PXDNL: variants seen among roughly 807,000 people sequenced by gnomAD.
The protein encoded by PXDNL is peroxidasin like.
A neutral mutation model predicts 150.8 loss-of-function variants in PXDNL; 145 were observed. The ratio of observed to expected loss-of-function variants is 0.96; its 90% CI spans 0.84 to 1.10. PXDNL has a LOEUF of 1.10. Among genes scored for constraint, PXDNL ranks in the 50% least tolerant of loss-of-function variants. The pLI, the probability that PXDNL is intolerant of heterozygous loss-of-function variation, is 0.00. For missense variants in PXDNL, 2,087 were observed against 1,873.9 expected (o/e 1.11, Z -2.10); for synonymous variants, 757 against 725.7 (o/e 1.04, Z -0.69).
In PXDNL at chr8:51,372,039, G is replaced by C; in HGVS notation, c.3735C>G (p.Leu1245=). Residue 1245 remains leucine, a synonymous_variant, in exon 19 of 23, where the codon CTC becomes CTG. Coordinates refer to ENST00000356297, the MANE Select transcript of PXDNL (RefSeq NM_144651.5). ...TCAGGGACGCCTGCTTCAGCTGAGT[G>C]AGTTGTGCCGGGGTAAATACTCCAG... ...ENPGVFTPAQ[L]TQLKQASLSR... The C allele has an allele frequency of 1.2e-6, 2 of 1,608,326 alleles. No homozygotes were observed. The highest frequency in any genetic ancestry group is 1.3e-5 in the African/African-American group (1 of 74,942).
chr8:51,342,697 C>G (rs1806025536), intron 20 of PXDNL, among the ~76,000 whole-genome samples: 1 of 152,134 alleles, frequency 6.6e-6, no homozygotes, highest in Non-Finnish European at 1.5e-5. Context: ...TTAGTGCCTG[C>G]TCTGCGCAGG....
intron 5 of PXDNL, among the ~76,000 whole-genome samples, chr8:51,496,651 A>T (rs1811059125): frequency 6.6e-6 from 1 of 152,190 alleles, no homozygotes; most frequent in Non-Finnish European, 1.5e-5. Context: ...TAACAGACAA[A>T]CAGAGAGCCA....
At chr8:51,533,928 G>C (rs1011884516) in intron 4 of PXDNL, among the ~76,000 whole-genome samples, 4 of 151,020 alleles carry the variant, frequency 2.6e-5, no homozygotes, top group African/African-American at 4.9e-5. Context: ...AGTGAGGAGC[G>C]TCTCTGCCTG....
chr8:51,349,555 T>C (rs1806269593), intron 19 of PXDNL, among the ~76,000 whole-genome samples: 1 of 152,238 alleles, frequency 6.6e-6, no homozygotes, highest in Non-Finnish European at 1.5e-5. Context: ...AGAAGGGCCT[T>C]GTCCTACCTA....
chr8:51,375,901 A>C (rs2130794217), intron 17 of PXDNL, among the ~76,000 whole-genome samples: 1 of 152,362 alleles, frequency 6.6e-6, no homozygotes, highest in Admixed American at 6.5e-5. Flanking sequence ...ACATATAAAC[A>C]AACAGACATA....
intron 17 of PXDNL, among the ~76,000 whole-genome samples, chr8:51,390,472 A>G (rs934754789): frequency 6.6e-6 from 1 of 152,232 alleles, no homozygotes; most frequent in African/African-American, 2.4e-5. Flanking sequence ...CGCCTTCTCC[A>G]TATTAATTCT....
At chr8:51,641,353 T>C (rs1252334833) in intron 2 of PXDNL, among the ~76,000 whole-genome samples, 5 of 148,998 alleles carry the variant, frequency 3.4e-5, no homozygotes, top group Middle Eastern at 3.2e-3. Flanking sequence ...AATTGACAAA[T>C]GGGATCTAAT....
At chr8:51,418,676 G>T (rs1808865723) in intron 14 of PXDNL, among the ~76,000 whole-genome samples, 1 of 152,146 alleles carries the variant, frequency 6.6e-6, no homozygotes, top group South Asian at 2.1e-4. Context: ...TTTTACTACT[G>T]ATATTCCTAT....
chr8:51,403,630 A>T (rs1808336898), intron 17 of PXDNL, among the ~76,000 whole-genome samples: 1 of 152,176 alleles, frequency 6.6e-6, no homozygotes, highest in Non-Finnish European at 1.5e-5. Flanking sequence ...CTTCTCATGT[A>T]TCTCAAATGT....
At chr8:51,345,427 G>T (rs1019992658) in intron 20 of PXDNL, among the ~76,000 whole-genome samples, 12 of 152,154 alleles carry the variant, frequency 7.9e-5, no homozygotes, top group African/African-American at 2.9e-4. Context: ...AGCCTTGCTT[G>T]CCATATATTA....
intron 1 of PXDNL, among the ~76,000 whole-genome samples, chr8:51,769,313 CT>C (rs2129241128): frequency 6.6e-6 from 1 of 152,342 alleles, no homozygotes; most frequent in African/African-American, 2.4e-5. Context: ...TCTCATAAAA[CT>C]GGTCCAGTAG....
chr8:51,722,939 C>T (rs1190746503), intron 1 of PXDNL, among the ~76,000 whole-genome samples: 1 of 151,846 alleles, frequency 6.6e-6, no homozygotes. Flanking sequence ...TTTTTCTATC[C>T]AGTATTTCCC....
rs1003578243 is a variant in PXDNL at position 51,381,371 on chromosome 8, T to TA, written c.3558-6641dup. 1.3e-4 allele frequency among the ~76,000 whole-genome samples: 19 copies of TA among 149,022 alleles called. 1 individual carries two copies. The highest frequency in any genetic ancestry group is 6.3e-4 in the South Asian group (3 of 4,732). On this transcript the variant is annotated intron_variant, in intron 17 of 22. Coordinates refer to ENST00000356297, the MANE Select transcript of PXDNL (RefSeq NM_144651.5). ...TATCCTGTGTTTCCAATAAAATGAG[T>TA]AAAAAAAAAAATTTTGTCCAAGGCT... is the stretch of plus-strand genomic sequence containing the variant.
chr8:51,502,735 A>G (rs1316716988), intron 4 of PXDNL, among the ~76,000 whole-genome samples: 1 of 152,022 alleles, frequency 6.6e-6, no homozygotes, highest in Non-Finnish European at 1.5e-5. Context: ...TGAGTTTAGC[A>G]TAAGAATTTT....
At chr8:51,397,359 A>G (rs17263853) in intron 17 of PXDNL, among the ~76,000 whole-genome samples, 4,837 of 152,302 alleles carry the variant, frequency 0.032, 199 homozygotes, top group African/African-American at 0.094. Context: ...TATGTTAAAA[A>G]TGCAAATTGT....
intron 3 of PXDNL, among the ~76,000 whole-genome samples, chr8:51,590,022 A>G (rs948329661): frequency 1.3e-5 from 2 of 152,056 alleles, no homozygotes; most frequent in Non-Finnish European, 2.9e-5. Flanking sequence ...GCTCTAGAAA[A>G]ACAGAATAGT....
intron 1 of PXDNL, chr8:51,722,061 C>A: frequency 5.3e-6 from 1 of 187,166 alleles, no homozygotes; most frequent in Non-Finnish European, 1.1e-5. Flanking sequence ...TGCTGCTGTT[C>A]TACGGACCAC....
At chr8:51,763,625 C>T (rs562251003) in intron 1 of PXDNL, among the ~76,000 whole-genome samples, 2 of 152,206 alleles carry the variant, frequency 1.3e-5, no homozygotes, top group East Asian at 3.9e-4. Context: ...TCCTTTCTTT[C>T]GTTCCCGCTC....
At chr8:51,399,592 G>A (rs955572804) in intron 17 of PXDNL, among the ~76,000 whole-genome samples, 23 of 152,332 alleles carry the variant, frequency 1.5e-4, no homozygotes, top group African/African-American at 5.3e-4. Context: ...AAGACAGACT[G>A]CAAAGACCAT....
Sources: gnomAD v4.1 joint callset for allele counts (sites outside exome capture counted in the v4.1 genomes callset) on GRCh38, gnomAD v4.1.1 for gene constraint, MANE v1.5 for transcripts, NCBI Gene and HGNC (gene_info 2026-07-23, HGNC 2026-07-21) for gene names.